The following LRBA variants were observed in gnomAD, a reference collection of about 807,000 sequenced individuals.
LRBA encodes lipopolysaccharide-responsive and beige-like anchor protein.
LRBA carries 176 observed loss-of-function variants against 330.0 expected under a neutral mutation model. That is an observed-to-expected ratio of 0.53 (90% CI 0.47 to 0.60). The LOEUF (loss-of-function observed/expected upper bound fraction) is 0.60. Among genes scored for constraint, LRBA ranks in the 20% least tolerant of loss-of-function variants. The pLI, the probability that LRBA is intolerant of heterozygous loss-of-function variation, is 0.00. For missense variants in LRBA, 3,259 were observed against 3,444.8 expected, an observed-to-expected ratio of 0.95 and a Z score of 1.35; for synonymous variants, 1,230 against 1,193.0, an observed-to-expected ratio of 1.03 and a Z score of -0.64.
rs757249058 is a variant in LRBA at position 150,495,459 on chromosome 4, C to T, written c.6331-4424G>A. On this transcript the variant is annotated intron_variant, in intron 40 of 56. Transcript: ENST00000651943. ...ATTAAAATCTTACCAAAAAACTAGC[C>T]TAATCTTTTAAAAAATTAAATAAAA... 3.2e-4 allele frequency among the ~76,000 whole-genome samples: 48 copies of T among 151,962 alleles called. 1 individual carries two copies. The highest frequency in any genetic ancestry group is 6.6e-4 in the Non-Finnish European group (45 of 67,986).
intron 35 of LRBA, among the ~76,000 whole-genome samples, chr4:150,751,814 A>T (rs1733595429): frequency 6.6e-6 from 1 of 152,190 alleles, no homozygotes; most frequent in Non-Finnish European, 1.5e-5. Flanking sequence ...AATAAATAAC[A>T]GTAATGATGA....
intron 37 of LRBA, among the ~76,000 whole-genome samples, chr4:150,606,135 C>T (rs994320826): frequency 2.6e-5 from 4 of 152,102 alleles, no homozygotes; most frequent in African/African-American, 7.2e-5. Context: ...GGACATTTGG[C>T]AACCAAGTTA....
intron 47 of LRBA, among the ~76,000 whole-genome samples, chr4:150,378,184 A>G (rs1041940593): frequency 1.3e-5 from 2 of 152,200 alleles, no homozygotes; most frequent in African/African-American, 2.4e-5. Flanking sequence ...TAAGTGATTG[A>G]CAGATAATAG....
chr4:150,793,949 C>A (rs553191385), intron 34 of LRBA, among the ~76,000 whole-genome samples: 1 of 152,170 alleles, frequency 6.6e-6, no homozygotes, highest in African/African-American at 2.4e-5. Context: ...ACAAGTAAAC[C>A]AATTAGCATA....
chr4:150,780,716 A>G (rs1283321678), intron 34 of LRBA, among the ~76,000 whole-genome samples: 1 of 112,272 alleles, frequency 8.9e-6, no homozygotes, highest in East Asian at 2.6e-4. Context: ...GTCCTAATAC[A>G]TATTATGCAT....
chr4:150,451,112 G>A (rs1237719521), intron 44 of LRBA, among the ~76,000 whole-genome samples: 1 of 152,134 alleles, frequency 6.6e-6, no homozygotes, highest in Non-Finnish European at 1.5e-5. Context: ...CTAACTTATA[G>A]TTGGAGACTT....
intron 44 of LRBA, among the ~76,000 whole-genome samples, chr4:150,467,009 G>GT (rs1755526554): frequency 1.3e-5 from 2 of 152,080 alleles, no homozygotes; most frequent in Admixed American, 6.6e-5. Context: ...GCCAGAAAAT[G>GT]TAAGGGTTAA....
intron 37 of LRBA, among the ~76,000 whole-genome samples, chr4:150,659,741 C>T (rs1212100873): frequency 2.4e-4 from 2 of 8,366 alleles, no homozygotes; most frequent in African/African-American, 3.3e-4. Context: ...TCAGCCCCCA[C>T]GCCCGGCCAG....
At chr4:150,617,984 G>A (rs1384830557) in intron 37 of LRBA, among the ~76,000 whole-genome samples, 5 of 152,010 alleles carry the variant, frequency 3.3e-5, no homozygotes, top group Non-Finnish European at 5.9e-5. Context: ...CGAGCCTGTA[G>A]TCCCAGCCAC....
At chr4:151,003,427 C>T (rs1743636251) in intron 2 of LRBA, among the ~76,000 whole-genome samples, 1 of 146,242 alleles carries the variant, frequency 6.8e-6, no homozygotes, top group Admixed American at 6.8e-5. Context: ...AATCCTAAAA[C>T]TCATATGGAA....
At chr4:150,537,119 G>C (rs1352612649) in intron 40 of LRBA, among the ~76,000 whole-genome samples, 1 of 152,096 alleles carries the variant, frequency 6.6e-6, no homozygotes, top group Non-Finnish European at 1.5e-5. Flanking sequence ...CATGATACTG[G>C]TACAAAAACA....
intron 47 of LRBA, among the ~76,000 whole-genome samples, chr4:150,413,121 A>G (rs551141559): frequency 6.6e-6 from 1 of 152,088 alleles, no homozygotes; most frequent in South Asian, 2.1e-4. Context: ...AAAGATGGTT[A>G]ACATTTTCAT....
At chr4:150,659,786 C>T (rs1444126077) in intron 37 of LRBA, among the ~76,000 whole-genome samples, 24 of 32,704 alleles carry the variant, frequency 7.3e-4, no homozygotes, top group South Asian at 3.0e-3. Flanking sequence ...CGCCTCTGCC[C>T]GGCCGCCCCT....
intron 33 of LRBA, among the ~76,000 whole-genome samples, chr4:150,800,447 C>T (rs926867747): frequency 1.3e-5 from 2 of 152,180 alleles, no homozygotes; most frequent in African/African-American, 4.8e-5. Flanking sequence ...CAATAAGGAA[C>T]TTAACATCAA....
intron 56 of LRBA, among the ~76,000 whole-genome samples, chr4:150,268,975 A>G (rs1009920396): frequency 7.2e-6 from 1 of 138,024 alleles, no homozygotes; most frequent in African/African-American, 2.7e-5. Flanking sequence ...TCTTGTATGT[A>G]GGAAATCCTA....
At position 150,436,758 on chromosome 4, in the gene LRBA, G is replaced by A. The variant is rs151286835; in HGVS notation, c.6887C>T (p.Thr2296Ile). The change falls in exon 45 of 57, where the codon ACT becomes ATT. Residue 2296 changes from threonine (T) to isoleucine (I), a missense_variant. Coordinates refer to ENST00000651943, the MANE Select transcript of LRBA (RefSeq NM_001364905.1). ...CAGCCATGCAAGAACAAAACTTGCAGTTGAGTAATGAGTACCATAGTGAAA... is the reference window on the plus strand; with the variant it reads ...CAGCCATGCAAGAACAAAACTTGCAATTGAGTAATGAGTACCATAGTGAAA... ...PKFHYGTHYS[T>I]ASFVLAWLLR... 1.2e-6 allele frequency: 2 copies of A among 1,613,116 alleles called. No homozygotes were observed. The highest frequency in any genetic ancestry group is 1.7e-6 in the Non-Finnish European group (2 of 1,179,414).
At chr4:150,491,391 C>T (rs1056856089) in intron 40 of LRBA, among the ~76,000 whole-genome samples, 1 of 151,866 alleles carries the variant, frequency 6.6e-6, no homozygotes, top group African/African-American at 2.4e-5. Context: ...ACAAAAAGCC[C>T]TCAAAAGAAT....
At chr4:150,803,516 C>G (rs1158976902) in intron 33 of LRBA, among the ~76,000 whole-genome samples, 2 of 151,930 alleles carry the variant, frequency 1.3e-5, no homozygotes, top group African/African-American at 4.8e-5. Context: ...AATTAAGAAG[C>G]TTTGTAATGT....
intron 49 of LRBA, among the ~76,000 whole-genome samples, chr4:150,323,452 A>C (rs2126935076): frequency 6.6e-6 from 1 of 152,320 alleles, no homozygotes; most frequent in Non-Finnish European, 1.5e-5. Flanking sequence ...AATAGTTCCA[A>C]TGTTTATGCC....
Sources: allele counts gnomAD v4.1 joint callset (sites outside exome capture counted in the v4.1 genomes callset), GRCh38; gene constraint gnomAD v4.1.1; transcripts MANE v1.5; gene names NCBI Gene and HGNC (gene_info 2026-07-23, HGNC 2026-07-21).